CA8: variants seen among roughly 807,000 people sequenced by gnomAD.
The protein encoded by CA8 is carbonic anhydrase-related protein.
In CA8, 22 loss-of-function variants were observed where a neutral mutation model predicts 41.4. That is an observed-to-expected ratio of 0.53 (90% CI 0.38 to 0.76). CA8 has a LOEUF of 0.76. Among genes scored for constraint, CA8 ranks in the 30% least tolerant of loss-of-function variants. CA8 has a pLI of 0.00. For synonymous variants in CA8, 121 were observed against 130.6 expected, an observed-to-expected ratio of 0.93 and a Z score of 0.50; for missense variants, 270 against 352.8, an observed-to-expected ratio of 0.77 and a Z score of 1.88.
chr8:60,191,601 G>A (rs952238061), intron 8 of CA8, among the ~76,000 whole-genome samples: 1 of 152,078 alleles, frequency 6.6e-6, no homozygotes, highest in African/African-American at 2.4e-5. Flanking sequence ...ATTACATCCA[G>A]GATTCTCCAG....
intron 3 of CA8, among the ~76,000 whole-genome samples, chr8:60,234,762 G>A (rs1298389933): frequency 6.6e-6 from 1 of 152,080 alleles, no homozygotes; most frequent in African/African-American, 2.4e-5. Flanking sequence ...CGGTTCCAGG[G>A]CAGAAGAGAT....
At position 60,221,981 on chromosome 8, in the gene CA8, C is replaced by T. The variant is rs140931078; in HGVS notation, c.738+668G>A. Among the ~76,000 whole-genome samples, 457 of 152,282 alleles carry T rather than the reference C, an allele frequency of 3.0e-3. 1 individual carries two copies. Among genetic ancestry groups the T allele is most frequent in the African/African-American group, 0.01 (424 of 41,538 alleles). ...ATATAGCTCTCCAGAACATATCCATCCCTTACACAGATCCCTGAAAGACAG... is the reference window on the plus strand; with the variant it reads ...ATATAGCTCTCCAGAACATATCCATTCCTTACACAGATCCCTGAAAGACAG... On this transcript the variant is annotated intron_variant, in intron 7 of 8. Coordinates refer to ENST00000317995, the MANE Select transcript of CA8 (RefSeq NM_004056.6).
At chr8:60,258,322 T>A (rs552385826) in intron 3 of CA8, among the ~76,000 whole-genome samples, 2 of 152,250 alleles carry the variant, frequency 1.3e-5, no homozygotes, top group Non-Finnish European at 2.9e-5. Context: ...ATACATAAAT[T>A]AAACTTTATC....
At chr8:60,248,229 T>C (rs1808318108) in intron 3 of CA8, among the ~76,000 whole-genome samples, 1 of 152,202 alleles carries the variant, frequency 6.6e-6, no homozygotes, top group Admixed American at 6.5e-5. Flanking sequence ...ATACTTTCTT[T>C]TGCTGTACAG....
chr8:60,224,928 T>G (rs1484685430), intron 5 of CA8, among the ~76,000 whole-genome samples: 3 of 152,020 alleles, frequency 2.0e-5, no homozygotes, highest in Admixed American at 2.0e-4. Flanking sequence ...GTAAAATGCC[T>G]GAACCCTGGA....
chr8:60,190,944 A>G (rs964783934), intron 8 of CA8, among the ~76,000 whole-genome samples: 3 of 127,852 alleles, frequency 2.3e-5, no homozygotes, highest in Non-Finnish European at 3.4e-5. Flanking sequence ...CACACTATAT[A>G]TATATATATA....
At chr8:60,247,989 G>A (rs546582894) in intron 3 of CA8, among the ~76,000 whole-genome samples, 93 of 152,036 alleles carry the variant, frequency 6.1e-4, no homozygotes, top group Non-Finnish European at 9.9e-4. Flanking sequence ...TTTGATTTGC[G>A]TTTCTCTAAT....
rs745874319 is a variant in CA8 at position 60,208,880 on chromosome 8, C to T, written c.778G>A (p.Ala260Thr). The part of the protein sequence containing the change: ...FRRLRTHVKG[A>T]ELVEGCDGIL... ...CCATCACAGCCTTCCACAAGTTCTG[C>T]CCCCTTAACATGTGTCCTCAGCCTT... Residue 260 changes from alanine to threonine, a missense_variant, in exon 8 of 9, where the codon GCA (alanine) becomes ACA (threonine). Around this residue, in one of 3 missense-constraint regions of CA8, gnomAD observed 141 missense variants for 191.6 expected, o/e 0.74. Transcript: ENST00000317995. 25 of 1,613,974 alleles carry T rather than the reference C, an allele frequency of 1.5e-5. No individual in the cohort carries two copies. Among genetic ancestry groups the T allele is most frequent in the Non-Finnish European group, 1.7e-6 (2 of 1,179,976 alleles).
At chr8:60,220,647 T>C (rs1323878427) in intron 7 of CA8, among the ~76,000 whole-genome samples, 1 of 152,210 alleles carries the variant, frequency 6.6e-6, no homozygotes, top group Non-Finnish European at 1.5e-5. Flanking sequence ...AGTGTTGCAC[T>C]CAGCGGGGGC....
At chr8:60,216,701 C>A in intron 7 of CA8, among the ~76,000 whole-genome samples, 1 of 152,046 alleles carries the variant, frequency 6.6e-6, no homozygotes, top group African/African-American at 2.4e-5. Flanking sequence ...AATACACTGG[C>A]CAGTATAGTA....
rs147080672 is a variant in CA8 at position 60,208,863 on chromosome 8, G to T, written c.795C>A (p.Gly265=). Residue 265 remains glycine (G), a synonymous_variant, in exon 8 of 9, where the codon GGC becomes GGA. Transcript: ENST00000317995. ...AGTTGTCTCCCAAAATCCCATCACAGCCTTCCACAAGTTCTGCCCCCTTAA... is the reference window on the plus strand; with the variant it reads ...AGTTGTCTCCCAAAATCCCATCACATCCTTCCACAAGTTCTGCCCCCTTAA... ...THVKGAELVE[G]CDGILGDNFR... 3,056 of 1,613,972 alleles carry T rather than the reference G, an allele frequency of 1.9e-3. 9 individuals carry two copies. Among genetic ancestry groups the T allele is most frequent in the Non-Finnish European group, 2.5e-3 (2,906 of 1,180,000 alleles).
chr8:60,191,593 T>C (rs1026783959), intron 8 of CA8, among the ~76,000 whole-genome samples: 5 of 152,156 alleles, frequency 3.3e-5, no homozygotes, highest in Admixed American at 3.3e-4. Flanking sequence ...AGGATATTAT[T>C]ACATCCAGGA....
chr8:60,274,691 T>G (rs1804176751), intron 2 of CA8, among the ~76,000 whole-genome samples: 1 of 152,118 alleles, frequency 6.6e-6, no homozygotes. Flanking sequence ...CGAAGCACCA[T>G]GTACAGAGCA....
At chr8:60,259,740 C>CTTTTT (rs1203317962) in intron 3 of CA8, among the ~76,000 whole-genome samples, 1 of 138,250 alleles carries the variant, frequency 7.2e-6, no homozygotes, top group Non-Finnish European at 1.6e-5. Flanking sequence ...AATTTGTTTG[C>CTTTTT]TTTTTTTTTT....
At chr8:60,197,152 A>AT (rs1246382022) in intron 8 of CA8, among the ~76,000 whole-genome samples, 2 of 152,172 alleles carry the variant, frequency 1.3e-5, no homozygotes, top group African/African-American at 4.8e-5. Context: ...ATTTCTAAGA[A>AT]TTTTTTAAGG....
rs550314379 is a variant in CA8, at chr8:60,210,587, C to T, written c.739-1668G>A. Among the ~76,000 whole-genome samples, 4 of 151,346 alleles carry T rather than the reference C, an allele frequency of 2.6e-5. No individual in the cohort carries two copies. In the South Asian group the frequency reaches 6.3e-4, roughly 24 times the overall value. ...TTAAACGGATAGTTCAATTAGAATC[C>T]GGGTCAGAAAGCCAGCTTCTTTTCT... On this transcript the variant is annotated intron_variant, in intron 7 of 8. Coordinates refer to ENST00000317995, the MANE Select transcript of CA8 (RefSeq NM_004056.6).
At chr8:60,267,181 C>T (rs1803929623) in intron 2 of CA8, among the ~76,000 whole-genome samples, 2 of 152,186 alleles carry the variant, frequency 1.3e-5, no homozygotes, top group South Asian at 2.1e-4. Flanking sequence ...GGATTTAAGG[C>T]TGCTTATGTC....
chr8:60,235,125 T>C (rs1336619404), intron 3 of CA8, among the ~76,000 whole-genome samples: 5 of 152,212 alleles, frequency 3.3e-5, no homozygotes, highest in Non-Finnish European at 7.3e-5. Flanking sequence ...CATCACAAAG[T>C]GGCACTGACT....
At chr8:60,213,220 T>C (rs1806899909) in intron 7 of CA8, among the ~76,000 whole-genome samples, 1 of 152,116 alleles carries the variant, frequency 6.6e-6, no homozygotes, top group African/African-American at 2.4e-5. Context: ...AGGAAGAGAG[T>C]AGGAAGAACA....
Sources: allele counts gnomAD v4.1 joint callset (sites outside exome capture counted in the v4.1 genomes callset), GRCh38; gene constraint gnomAD v4.1.1; regional missense constraint gnomAD v4.1.1; transcripts MANE v1.5; gene names NCBI Gene and HGNC (gene_info 2026-07-23, HGNC 2026-07-21).